The following TAFA4 variants were observed in gnomAD, a reference collection of about 807,000 sequenced individuals.
The protein encoded by TAFA4 is chemokine-like protein TAFA-4.
A neutral mutation model predicts 21.1 loss-of-function variants in TAFA4; 20 were observed. That is an observed-to-expected ratio of 0.95 (90% confidence interval 0.67 to 1.38). The LOEUF is 1.38. Ranked by LOEUF, TAFA4 falls within the 40% of genes most tolerant of loss-of-function variation. TAFA4 has a pLI of 0.00. For synonymous variants in TAFA4, 71 were observed against 67.4 expected, an observed-to-expected ratio of 1.05 and a Z score of -0.26; for missense variants, 211 against 180.9, an observed-to-expected ratio of 1.17 and a Z score of -0.95.
intron 3 of TAFA4, among the ~76,000 whole-genome samples, chr3:68,808,363 T>A (rs940408961): frequency 6.6e-6 from 1 of 152,188 alleles, no homozygotes; most frequent in Non-Finnish European, 1.5e-5. Flanking sequence ...CATCCTTCTA[T>A]CATAACAGTT....
At chr3:68,733,717 G>A (rs1028972894) in intron 5 of TAFA4, among the ~76,000 whole-genome samples, 3 of 152,092 alleles carry the variant, frequency 2.0e-5, no homozygotes, top group Non-Finnish European at 4.4e-5. Context: ...TTACGTGTTT[G>A]TTAGTCAATA....
chr3:68,874,990 T>C (rs1349099415), intron 3 of TAFA4, among the ~76,000 whole-genome samples: 1 of 152,122 alleles, frequency 6.6e-6, no homozygotes, highest in Admixed American at 6.6e-5. Flanking sequence ...AGAAATATAA[T>C]ATGGGGTACA....
chr3:68,921,233 G>T, intron 1 of TAFA4, among the ~76,000 whole-genome samples: 1 of 152,144 alleles, frequency 6.6e-6, no homozygotes. Context: ...GACGAAGGAG[G>T]TTAAATGACT....
At chr3:68,783,749 G>A (rs948418609) in intron 3 of TAFA4, among the ~76,000 whole-genome samples, 1 of 135,990 alleles carries the variant, frequency 7.4e-6, no homozygotes, top group African/African-American at 3.0e-5. Context: ...AAGAAAGTAA[G>A]AAAGAAAGAA....
chr3:68,783,713 A>AGAAAG, intron 3 of TAFA4, among the ~76,000 whole-genome samples: 1 of 80,802 alleles, frequency 1.2e-5, no homozygotes, highest in South Asian at 5.0e-4. Flanking sequence ...GAGAGAAAGA[A>AGAAAG]AAAGAAAGAA....
chr3:68,854,957 T>C (rs1705032616), intron 3 of TAFA4, among the ~76,000 whole-genome samples: 1 of 152,180 alleles, frequency 6.6e-6, no homozygotes. Context: ...AGTTCACTCT[T>C]AGTTAACATA....
chr3:68,800,928 CAAAGCT>C (rs1703564845), intron 3 of TAFA4, among the ~76,000 whole-genome samples: 1 of 152,114 alleles, frequency 6.6e-6, no homozygotes, highest in Non-Finnish European at 1.5e-5. Context: ...GCTTTGTCAC[CAAAGCT>C]GTGGGCAAGA....
intron 3 of TAFA4, among the ~76,000 whole-genome samples, chr3:68,845,795 T>A (rs1474495435): frequency 1.3e-5 from 2 of 152,198 alleles, no homozygotes; most frequent in African/African-American, 4.8e-5. Flanking sequence ...TTTGGCTGGA[T>A]GTGAAATTCT....
chr3:68,873,753 A>T (rs566089793), intron 3 of TAFA4, among the ~76,000 whole-genome samples: 45 of 152,316 alleles, frequency 3.0e-4, no homozygotes, highest in African/African-American at 1.0e-3. Context: ...TGCTTTCTAA[A>T]CAACAAATAA....
chr3:68,789,688 C>CA (rs1029046560), intron 3 of TAFA4, among the ~76,000 whole-genome samples: 4 of 136,642 alleles, frequency 2.9e-5, no homozygotes, highest in East Asian at 1.9e-4. Context: ...CTCAAGAGGG[C>CA]AAAAAAAATT....
chr3:68,880,679 T>A (rs754184954), intron 3 of TAFA4, 51 bp downstream of exon 3: 10 of 1,470,242 alleles, frequency 6.8e-6, no homozygotes, highest in Non-Finnish European at 9.5e-6. Context: ...ACTCTGACAT[T>A]TGGAGGGGTT....
intron 3 of TAFA4, among the ~76,000 whole-genome samples, chr3:68,841,536 G>A (rs1704666089): frequency 6.6e-6 from 1 of 151,830 alleles, no homozygotes; most frequent in African/African-American, 2.4e-5. Flanking sequence ...TTACTAGAGG[G>A]GTTTAAGAGG....
chr3:68,790,069 T>C (rs1019613991), intron 3 of TAFA4, among the ~76,000 whole-genome samples: 5 of 152,172 alleles, frequency 3.3e-5, no homozygotes, highest in Non-Finnish European at 7.3e-5. Flanking sequence ...TATGTATAAC[T>C]GTTGAAAGCA....
chr3:68,923,955 G>C (rs1264891940), intron 1 of TAFA4, among the ~76,000 whole-genome samples: 3 of 152,196 alleles, frequency 2.0e-5, no homozygotes, highest in East Asian at 1.9e-4. Context: ...ATGCAAAGAA[G>C]GGTGATGATT....
intron 3 of TAFA4, among the ~76,000 whole-genome samples, chr3:68,768,574 T>C (rs1702898661): frequency 6.6e-6 from 1 of 152,158 alleles, no homozygotes; most frequent in South Asian, 2.1e-4. Context: ...GACTATCTCA[T>C]GTTCCAGCAA....
In TAFA4 at chr3:68,733,910, T is replaced by C. The variant is rs1405085216; in HGVS notation, c.412-757A>G. Among the ~76,000 whole-genome samples, 4 of 152,178 alleles carry C rather than the reference T, an allele frequency of 2.6e-5. No individual in the cohort carries two copies. The East Asian group carries it at 7.7e-4, about 29-fold the overall frequency. On this transcript the variant is annotated intron_variant, in intron 5 of 5. Coordinates refer to ENST00000295569, the MANE Select transcript of TAFA4 (RefSeq NM_182522.5). ...CTGGCCTTTATGTACTCAACAGTAT[T>C]ACTCCCCTTTTGTTTGTGCTGGGTA... is the stretch of plus-strand genomic sequence containing the variant.
At chr3:68,918,284 G>T (rs1276883574) in intron 1 of TAFA4, among the ~76,000 whole-genome samples, 1 of 152,054 alleles carries the variant, frequency 6.6e-6, no homozygotes, top group Non-Finnish European at 1.5e-5. Flanking sequence ...GGGAGAGGTC[G>T]CAAATGACAC....
intron 3 of TAFA4, among the ~76,000 whole-genome samples, chr3:68,823,339 A>G (rs1473307719): frequency 6.6e-6 from 1 of 152,254 alleles, no homozygotes; most frequent in African/African-American, 2.4e-5. Flanking sequence ...GAAATCGAAT[A>G]CATTCTTCAT....
intron 3 of TAFA4, among the ~76,000 whole-genome samples, chr3:68,862,709 G>C (rs1267584183): frequency 1.3e-5 from 2 of 152,160 alleles, no homozygotes; most frequent in African/African-American, 2.4e-5. Context: ...GCAGAGTCAA[G>C]TCATTTAAAC....
Sources: allele counts gnomAD v4.1 joint callset (sites outside exome capture counted in the v4.1 genomes callset), GRCh38; gene constraint gnomAD v4.1.1; transcripts MANE v1.5; gene names NCBI Gene and HGNC (gene_info 2026-07-23, HGNC 2026-07-21).